The following CAMSAP1 variants were observed in gnomAD, a reference collection of about 807,000 sequenced individuals.
CAMSAP1 encodes the protein calmodulin regulated spectrin associated protein 1.
CAMSAP1 carries 58 observed loss-of-function variants against 143.5 expected under a neutral mutation model. That is an observed-to-expected ratio of 0.40 (90% CI 0.33 to 0.50). The LOEUF is 0.50. CAMSAP1 is among the 20% of genes least tolerant of loss of function. The pLI is 0.45. For missense variants in CAMSAP1, 1,969 were observed against 2,115.7 expected (o/e 0.93, Z 1.36); for synonymous variants, 945 against 859.3 (o/e 1.10, Z -1.74).
At chr9:135,838,987 G>A (rs1341782804) in intron 7 of CAMSAP1, among the ~76,000 whole-genome samples, 1 of 151,792 alleles carries the variant, frequency 6.6e-6, no homozygotes, top group Non-Finnish European at 1.5e-5. Context: ...ACGTCACCAC[G>A]CACTTTCTAC....
intron 1 of CAMSAP1, among the ~76,000 whole-genome samples, chr9:135,894,870 C>T (rs374919423): frequency 5.4e-4 from 82 of 152,338 alleles, no homozygotes; most frequent in Middle Eastern, 3.4e-3. Context: ...CATGAAATCA[C>T]TCCCAAGTAA....
intron 7 of CAMSAP1, among the ~76,000 whole-genome samples, chr9:135,839,540 C>A (rs1362318826): frequency 3.3e-5 from 5 of 152,264 alleles, no homozygotes; most frequent in African/African-American, 9.6e-5. Context: ...AATGCAAGAT[C>A]CCGGGACTGT....
chr9:135,883,371 G>A (rs74559016), intron 1 of CAMSAP1, among the ~76,000 whole-genome samples: 2,053 of 152,250 alleles, frequency 0.013, 58 homozygotes, highest in African/African-American at 0.047. Context: ...GACCTCCACC[G>A]TGACCTCAAA....
chr9:135,860,449 T>C (rs1268190006), intron 5 of CAMSAP1, among the ~76,000 whole-genome samples: 1 of 151,578 alleles, frequency 6.6e-6, no homozygotes, highest in Non-Finnish European at 1.5e-5. Flanking sequence ...AGTACAAAAA[T>C]TAGCTGGGTG....
At chr9:135,835,181 T>C (rs1012994756) in intron 7 of CAMSAP1, among the ~76,000 whole-genome samples, 1 of 151,880 alleles carries the variant, frequency 6.6e-6, no homozygotes, top group Non-Finnish European at 1.5e-5. Flanking sequence ...CCTTACCAAG[T>C]AAGGGAGAAG....
chr9:135,900,743 A>T (rs1438104974), intron 1 of CAMSAP1, among the ~76,000 whole-genome samples: 1 of 151,826 alleles, frequency 6.6e-6, no homozygotes, highest in Non-Finnish European at 1.5e-5. Flanking sequence ...AGCCAGAAAT[A>T]AAAAAAACTC....
Position 135,811,616 on chromosome 9 carries a change from G to A in CAMSAP1, c.4507-5C>T. 2 of 1,576,758 alleles carry A rather than the reference G, an allele frequency of 1.3e-6. No individual in the cohort carries two copies. Among genetic ancestry groups the A allele is most frequent in the Non-Finnish European group, 8.6e-7 (1 of 1,160,568 alleles). ...GGCATCACACTTCTCCAGCTCCTGT[G>A]CAGAGAGAGAAAAGGGGAAGAGACA... is the stretch of plus-strand genomic sequence containing the variant. On this transcript the variant is annotated splice_region_variant and splice_polypyrimidine_tract_variant and intron_variant, in intron 16 of 16. Transcript: ENST00000389532. The surrounding 1 kb of genome is among the most constrained non-coding windows in gnomAD (Gnocchi z 4.9).
In CAMSAP1 at chr9:135,811,563, C is replaced by T. The variant is rs1319552847; in HGVS notation, c.4555G>A (p.Ala1519Thr). Residue 1519 changes from alanine to threonine, a missense_variant, in exon 17 of 17, where the codon GCT (alanine) becomes ACT (threonine). Transcript: ENST00000389532. The surrounding 1 kb of genome is among the most constrained non-coding windows in gnomAD (Gnocchi z 4.9). ...ANHYIILFRD[A>T]GCQFRALYCY... ...TAAAGCGCCCTGAACTGGCAGCCAG[C>T]ATCACGAAACAGTATGATGTAGTGA... The T allele has an allele frequency of 6.2e-7, 1 of 1,601,028 alleles. No individual in the cohort carries two copies. Among genetic ancestry groups the T allele is most frequent in the Non-Finnish European group, 8.5e-7 (1 of 1,173,508 alleles).
At chr9:135,894,989 A>G (rs547260254) in intron 1 of CAMSAP1, among the ~76,000 whole-genome samples, 166 of 152,366 alleles carry the variant, frequency 1.1e-3, no homozygotes, top group African/African-American at 3.8e-3. Flanking sequence ...GGGCTCAGCA[A>G]TAGTTGAGAT....
chr9:135,874,459 T>A (rs1460221297), intron 3 of CAMSAP1, among the ~76,000 whole-genome samples: 3 of 95,528 alleles, frequency 3.1e-5, no homozygotes, highest in Non-Finnish European at 5.6e-5. Context: ...GGACACAGGG[T>A]GAGACCCTGT....
chr9:135,832,862 A>T (rs1346626083), intron 7 of CAMSAP1, among the ~76,000 whole-genome samples: 1 of 152,206 alleles, frequency 6.6e-6, no homozygotes, highest in African/African-American at 2.4e-5. Flanking sequence ...AAAACAATAG[A>T]ACACTGATGA....
chr9:135,863,477 T>C (rs2130935907), intron 4 of CAMSAP1, among the ~76,000 whole-genome samples: 2 of 152,232 alleles, frequency 1.3e-5, no homozygotes, highest in East Asian at 3.9e-4. Context: ...AGGAGGAAAA[T>C]ACACGATACA....
At chr9:135,881,429 C>T (rs1213255323) in intron 3 of CAMSAP1, among the ~76,000 whole-genome samples, 2 of 152,066 alleles carry the variant, frequency 1.3e-5, no homozygotes, top group African/African-American at 4.8e-5. Flanking sequence ...AAATTCATCA[C>T]CCTCTACTCT....
chr9:135,835,814 A>G (rs1836009507), intron 7 of CAMSAP1, among the ~76,000 whole-genome samples: 1 of 152,194 alleles, frequency 6.6e-6, no homozygotes, highest in South Asian at 2.1e-4. Flanking sequence ...CCCCGTCTCT[A>G]CTAAAAAATG....
intron 3 of CAMSAP1, 90 bp from the exon 4 acceptor site, chr9:135,866,626 C>G: frequency 1.5e-6 from 1 of 689,038 alleles, no homozygotes; most frequent in Admixed American, 2.1e-5. Flanking sequence ...CCCACTTCAC[C>G]TGATTCACCT....
chr9:135,841,616 G>C (rs1836357315), intron 7 of CAMSAP1, among the ~76,000 whole-genome samples: 1 of 152,200 alleles, frequency 6.6e-6, no homozygotes, highest in African/African-American at 2.4e-5. Context: ...TTGACATCCG[G>C]AGGGTGCCCT....
In CAMSAP1 at chr9:135,812,654, C is replaced by T. The variant is rs182657646; in HGVS notation, c.4507-1043G>A. Among the ~76,000 whole-genome samples the T allele has an allele frequency of 7.9e-4, 121 of 152,244 alleles. No homozygotes were observed. The South Asian group carries it at 0.012, about 16-fold the overall frequency. ...GTATAACTTAAAAGGGTGAATTTTA[C>T]GGTATGTGAATGATATCTCATAAAG... On this transcript the variant is annotated intron_variant, in intron 16 of 16. Coordinates refer to ENST00000389532, the MANE Select transcript of CAMSAP1 (RefSeq NM_015447.4).
chr9:135,828,434 T>C (rs1285769695), intron 7 of CAMSAP1, among the ~76,000 whole-genome samples: 2 of 152,164 alleles, frequency 1.3e-5, no homozygotes, highest in East Asian at 1.9e-4. Flanking sequence ...GGCAGCAACA[T>C]GTGACCAAAA....
chr9:135,862,332 G>A, intron 5 of CAMSAP1, 135 bp downstream of exon 5: 1 of 1,057,056 alleles, frequency 9.5e-7, no homozygotes, highest in Non-Finnish European at 1.3e-6. Context: ...TCATCTATAG[G>A]CTAACATCCC....
Sources: allele counts gnomAD v4.1 joint callset (sites outside exome capture counted in the v4.1 genomes callset), GRCh38; gene constraint gnomAD v4.1.1; non-coding constraint Gnocchi (gnomAD v3.1); transcripts MANE v1.5; gene names NCBI Gene and HGNC (gene_info 2026-07-23, HGNC 2026-07-21).